The following PPP3CC variants were observed in gnomAD, a reference collection of about 807,000 sequenced individuals.
The protein encoded by PPP3CC is protein phosphatase 3 catalytic subunit gamma.
In PPP3CC, 35 loss-of-function variants were observed where a neutral mutation model predicts 60.3. The observed-to-expected ratio is 0.58, with a 90% CI of 0.44 to 0.77. The LOEUF (loss-of-function observed/expected upper bound fraction) is 0.77. Ranked by LOEUF, PPP3CC falls within the 30% of genes least tolerant of loss-of-function variation. The pLI is 0.00. For synonymous variants in PPP3CC, 206 were observed against 224.3 expected (o/e 0.92, Z 0.73); for missense variants, 570 against 628.9 (o/e 0.91, Z 1.00).
chr8:22,531,811 C>T (rs1316823703), intron 10 of PPP3CC, among the ~76,000 whole-genome samples: 3 of 152,196 alleles, frequency 2.0e-5, no homozygotes, highest in Non-Finnish European at 4.4e-5. Context: ...CTGGAATGAT[C>T]ACTTGCCATT....
At chr8:22,510,606 C>T (rs1673975252) in intron 4 of PPP3CC, among the ~76,000 whole-genome samples, 1 of 152,200 alleles carries the variant, frequency 6.6e-6, no homozygotes, top group Non-Finnish European at 1.5e-5. Flanking sequence ...ATACCGCAGT[C>T]CAGCAGCTTT....
chr8:22,456,071 G>C (rs1010595920), intron 1 of PPP3CC, among the ~76,000 whole-genome samples: 1 of 152,208 alleles, frequency 6.6e-6, no homozygotes, highest in African/African-American at 2.4e-5. Context: ...TGAAAAAGTA[G>C]GGCAGGACTG....
chr8:22,457,338 A>G (rs1837233046), intron 1 of PPP3CC, among the ~76,000 whole-genome samples: 2 of 151,042 alleles, frequency 1.3e-5, no homozygotes, highest in Admixed American at 1.3e-4. Context: ...TTATTTATTT[A>G]TTTTTAAGAA....
At chr8:22,501,308 A>G (rs924352399) in intron 4 of PPP3CC, among the ~76,000 whole-genome samples, 1 of 152,236 alleles carries the variant, frequency 6.6e-6, no homozygotes, top group Non-Finnish European at 1.5e-5. Flanking sequence ...TAAATGCTGC[A>G]TAAAAAATTA....
At chr8:22,479,491 A>G (rs1019069098) in intron 3 of PPP3CC, among the ~76,000 whole-genome samples, 7 of 152,150 alleles carry the variant, frequency 4.6e-5, no homozygotes, top group Non-Finnish European at 8.8e-5. Context: ...TCAAAGTCAA[A>G]TAAAATAGAG....
chr8:22,488,886 T>C (rs1181196960), intron 3 of PPP3CC, among the ~76,000 whole-genome samples: 3 of 152,058 alleles, frequency 2.0e-5, no homozygotes, highest in African/African-American at 4.8e-5. Flanking sequence ...AGTCCATGTA[T>C]AGTAGTGAGG....
At chr8:22,502,910 G>T (rs2469756) in intron 4 of PPP3CC, among the ~76,000 whole-genome samples, 1 of 151,922 alleles carries the variant, frequency 6.6e-6, no homozygotes, top group Non-Finnish European at 1.5e-5. Context: ...TTTAGATGCA[G>T]TGTTGACATG....
At chr8:22,477,337 C>T (rs1202760505) in intron 3 of PPP3CC, among the ~76,000 whole-genome samples, 1 of 151,954 alleles carries the variant, frequency 6.6e-6, no homozygotes, top group African/African-American at 2.4e-5. Flanking sequence ...GTTTACCAGG[C>T]ATGGTGGTGG....
intron 3 of PPP3CC, among the ~76,000 whole-genome samples, chr8:22,490,584 T>C (rs929383479): frequency 1.5e-4 from 22 of 151,406 alleles, no homozygotes; most frequent in African/African-American, 4.6e-4. Context: ...GTATATCTCC[T>C]AATGCTATGC....
chr8:22,489,814 A>G (rs1452004010), intron 3 of PPP3CC, among the ~76,000 whole-genome samples: 2 of 139,786 alleles, frequency 1.4e-5, no homozygotes, highest in Non-Finnish European at 3.1e-5. Flanking sequence ...TACATAACAA[A>G]TAAATATATA....
intron 6 of PPP3CC, among the ~76,000 whole-genome samples, chr8:22,514,007 G>T (rs1282962176): frequency 3.3e-5 from 5 of 152,100 alleles, no homozygotes; most frequent in African/African-American, 1.2e-4. Flanking sequence ...GCTCTTTGGG[G>T]TGCCTAGGCG....
intron 6 of PPP3CC, among the ~76,000 whole-genome samples, chr8:22,520,705 C>G (rs1454275551): frequency 6.6e-6 from 1 of 152,046 alleles, no homozygotes; most frequent in African/African-American, 2.4e-5. Flanking sequence ...TCTCTTTATT[C>G]ATTTATTTGC....
In PPP3CC at chr8:22,478,674, C is replaced by A. The variant is rs374843411; in HGVS notation, c.372+3050C>A. Among the ~76,000 whole-genome samples the A allele has an allele frequency of 8.5e-5, 13 of 152,220 alleles. No homozygotes were observed. The South Asian group carries it at 1.5e-3, about 17-fold the overall frequency. ...GTTTCTTGAGTGCCAACTTTATGGG[C>A]AGGCTGTGAGAATAAAATAAAGAAT... is the stretch of plus-strand genomic sequence containing the variant. On this transcript the variant is annotated intron_variant, in intron 3 of 13. Coordinates refer to ENST00000240139, the MANE Select transcript of PPP3CC (RefSeq NM_005605.5).
At chr8:22,462,173 T>C (rs772357491) in intron 1 of PPP3CC, among the ~76,000 whole-genome samples, 3 of 151,900 alleles carry the variant, frequency 2.0e-5, no homozygotes, top group African/African-American at 4.8e-5. Flanking sequence ...AACTCAAGAG[T>C]TGGAGACTGC....
intron 1 of PPP3CC, among the ~76,000 whole-genome samples, chr8:22,446,948 G>A (rs1431912447): frequency 6.6e-6 from 1 of 151,936 alleles, no homozygotes; most frequent in Non-Finnish European, 1.5e-5. Flanking sequence ...GGGAATAAAG[G>A]GATGTCTTAG....
At chr8:22,529,269 T>C (rs1345726134) in intron 10 of PPP3CC, among the ~76,000 whole-genome samples, 2 of 152,240 alleles carry the variant, frequency 1.3e-5, no homozygotes, top group Admixed American at 6.5e-5. Context: ...AGATAGAAAT[T>C]TCTGATACAG....
chr8:22,507,853 C>T (rs1838971120), intron 4 of PPP3CC, among the ~76,000 whole-genome samples: 3 of 152,170 alleles, frequency 2.0e-5, no homozygotes, highest in Non-Finnish European at 2.9e-5. Flanking sequence ...TTCTTCAAAT[C>T]AGGCAACAAG....
intron 7 of PPP3CC, 39 bp downstream of exon 7, chr8:22,522,607 G>A (rs778942122): frequency 5.0e-6 from 8 of 1,592,454 alleles, no homozygotes; most frequent in Non-Finnish European, 6.9e-6. Context: ...TCGCTGCAGA[G>A]TCTTTGCATT....
At chr8:22,452,126 C>T (rs1373434706) in intron 1 of PPP3CC, among the ~76,000 whole-genome samples, 1 of 151,844 alleles carries the variant, frequency 6.6e-6, no homozygotes, top group Non-Finnish European at 1.5e-5. Flanking sequence ...AACTCCTGGC[C>T]TCAATTGATC....
Sources: allele counts gnomAD v4.1 joint callset (sites outside exome capture counted in the v4.1 genomes callset), GRCh38; gene constraint gnomAD v4.1.1; transcripts MANE v1.5; gene names NCBI Gene and HGNC (gene_info 2026-07-23, HGNC 2026-07-21).